Variants in CECR2 observed in about 807,000 individuals in gnomAD.
The protein encoded by CECR2 is CECR2 histone acetyl-lysine reader, also known as chromatin remodeling regulator CECR2.
Under a neutral mutation model 154.5 loss-of-function variants are expected in CECR2, and 30 were observed. The observed-to-expected ratio is 0.19, with a 90% CI of 0.15 to 0.26. The LOEUF is 0.26. CECR2 is among the 10% of genes least tolerant of loss of function. The pLI is 1.00. For missense variants in CECR2, 1,743 were observed against 1,829.3 expected (o/e 0.95, Z 0.86); for synonymous variants, 725 against 683.7 (o/e 1.06, Z -0.94).
intron 9 of CECR2, among the ~76,000 whole-genome samples, chr22:17,531,106 A>T (rs723487): frequency 0.027 from 4,125 of 152,306 alleles, 185 homozygotes; most frequent in African/African-American, 0.095. Flanking sequence ...ACTTGTAGTT[A>T]ATCAGTTGGG....
At chr22:17,417,622 T>G (rs2054175903) in intron 1 of CECR2, among the ~76,000 whole-genome samples, 2 of 152,198 alleles carry the variant, frequency 1.3e-5, no homozygotes, top group East Asian at 3.9e-4. Context: ...TCTTATTTTA[T>G]TTTAGTATTT....
At chr22:17,506,594 A>G (rs112835919) in intron 7 of CECR2, among the ~76,000 whole-genome samples, 2,153 of 152,254 alleles carry the variant, frequency 0.014, 27 homozygotes, top group Non-Finnish European at 0.02. Context: ...CTCAAGGACC[A>G]TGTCTTATCT....
At chr22:17,546,048 G>A (rs2056608715) in intron 16 of CECR2, among the ~76,000 whole-genome samples, 2 of 150,568 alleles carry the variant, frequency 1.3e-5, no homozygotes, top group South Asian at 2.1e-4. Flanking sequence ...TTGAAACTCC[G>A]ACTCTTTTAA....
At chr22:17,447,757 T>C (rs1163805240) in intron 1 of CECR2, among the ~76,000 whole-genome samples, 1 of 152,076 alleles carries the variant, frequency 6.6e-6, no homozygotes, top group East Asian at 1.9e-4. Context: ...CAGCCAGGAT[T>C]GAGAACAATT....
At chr22:17,418,821 C>A in intron 1 of CECR2, 1 of 192,568 alleles carries the variant, frequency 5.2e-6, no homozygotes, top group Non-Finnish European at 1.1e-5. Context: ...GGGGCCCAGC[C>A]CGGCCGAGCT....
chr22:17,500,365 T>G (rs922113549), intron 4 of CECR2, among the ~76,000 whole-genome samples: 16 of 152,242 alleles, frequency 1.1e-4, no homozygotes, highest in Admixed American at 3.9e-4. Flanking sequence ...AATGCTAACC[T>G]CTTATTTAGG....
intron 6 of CECR2, among the ~76,000 whole-genome samples, 189 bp from the exon 7 acceptor site, chr22:17,504,658 G>T (rs996000571): frequency 2.7e-5 from 4 of 149,148 alleles, no homozygotes; most frequent in Non-Finnish European, 5.9e-5. Context: ...AGCCAGGATG[G>T]TCTCGATCTC....
At position 17,549,522 on chromosome 22, in the gene CECR2, G is replaced by A; in HGVS notation, c.4235G>A (p.Ser1412Asn). ...ATGATGGAACAAATTGGCACTAGAA[G>A]TGGAATAAGAGGACCTTTCCAGGAA... ...AVMMEQIGTRSGIRGPFQEMY... is the reference protein window; with the variant it reads ...AVMMEQIGTRNGIRGPFQEMY... Residue 1412 changes from serine to asparagine, a missense_variant, in exon 17 of 19, where the codon AGT becomes AAT. Ser to Asn is a conservative substitution (Grantham distance 46). This residue lies in a region of CECR2 where 1,250 missense variants were observed against 1,192.1 expected (regional missense o/e 1.05). Transcript: ENST00000262608. The A allele has an allele frequency of 6.2e-7, 1 of 1,604,792 alleles. No homozygotes were observed. The highest frequency in any genetic ancestry group is 8.5e-7 in the Non-Finnish European group (1 of 1,175,836).
At chr22:17,405,965 T>G (rs2053978233) in intron 1 of CECR2, among the ~76,000 whole-genome samples, 2 of 152,354 alleles carry the variant, frequency 1.3e-5, no homozygotes, top group African/African-American at 2.4e-5. Context: ...CTTCCCCTTT[T>G]CCCTTTCTAT....
At chr22:17,437,991 T>C (rs183360926) in intron 1 of CECR2, among the ~76,000 whole-genome samples, 2 of 152,320 alleles carry the variant, frequency 1.3e-5, no homozygotes, top group East Asian at 3.9e-4. Flanking sequence ...TTAATGAAAA[T>C]TTTTTTCTGT....
chr22:17,494,090 T>TTTTC (rs113949798), intron 2 of CECR2, among the ~76,000 whole-genome samples: 7,904 of 152,088 alleles, frequency 0.052, 655 homozygotes, highest in African/African-American at 0.18. Flanking sequence ...CACTTTTTCA[T>TTTTC]TTTCTTTCTT....
At chr22:17,431,727 G>A (rs2054426026) in intron 1 of CECR2, among the ~76,000 whole-genome samples, 1 of 151,790 alleles carries the variant, frequency 6.6e-6, no homozygotes, top group African/African-American at 2.4e-5. Context: ...AATTCTTATT[G>A]ATGCGTGTTG....
chr22:17,460,350 C>T (rs1175955250), intron 1 of CECR2, among the ~76,000 whole-genome samples: 2 of 152,192 alleles, frequency 1.3e-5, no homozygotes, highest in African/African-American at 2.4e-5. Context: ...GCTGGGATTA[C>T]AGGTGCGTGC....
intron 1 of CECR2, among the ~76,000 whole-genome samples, chr22:17,417,433 G>A (rs2054172566): frequency 6.6e-6 from 1 of 152,190 alleles, no homozygotes; most frequent in South Asian, 2.1e-4. Context: ...CTGGATAGCT[G>A]AGATTTCCAT....
At chr22:17,387,058 T>C (rs1462930197) in intron 1 of CECR2, among the ~76,000 whole-genome samples, 2 of 152,264 alleles carry the variant, frequency 1.3e-5, no homozygotes, top group Non-Finnish European at 2.9e-5. Flanking sequence ...TTTAATGTTT[T>C]GTAGGACTAC....
At chr22:17,501,674 TG>T (rs1241060326) in intron 5 of CECR2, among the ~76,000 whole-genome samples, 1 of 152,264 alleles carries the variant, frequency 6.6e-6, no homozygotes, top group Non-Finnish European at 1.5e-5. Flanking sequence ...TATCCGTTTC[TG>T]TGACAAATGT....
chr22:17,412,207 C>T (rs1450615437), intron 1 of CECR2, among the ~76,000 whole-genome samples: 3 of 152,154 alleles, frequency 2.0e-5, no homozygotes, highest in Non-Finnish European at 4.4e-5. Flanking sequence ...GCTGTGGCTG[C>T]AGTTCTGTTT....
intron 12 of CECR2, 58 bp downstream of exon 12, chr22:17,538,789 G>A (rs1417851088): frequency 1.4e-6 from 2 of 1,473,190 alleles, no homozygotes; most frequent in East Asian, 2.3e-5. Flanking sequence ...CTTGGGTTTT[G>A]TTGTTTGTTT....
intron 1 of CECR2, among the ~76,000 whole-genome samples, chr22:17,447,038 T>TTTTTTTTTTTG (rs2054680669): frequency 2.1e-5 from 3 of 141,520 alleles, no homozygotes; most frequent in Non-Finnish European, 3.0e-5. Context: ...ACAATCTTTT[T>TTTTTTTTTTTG]TTTTTTTTTT....
Sources: allele counts gnomAD v4.1 joint callset (sites outside exome capture counted in the v4.1 genomes callset), GRCh38; gene constraint gnomAD v4.1.1; regional missense constraint gnomAD v4.1.1; transcripts MANE v1.5; gene names NCBI Gene and HGNC (gene_info 2026-07-23, HGNC 2026-07-21).